Variants in POMT2 observed in about 807,000 individuals in gnomAD.
POMT2 encodes the protein protein O-mannosyltransferase 2, also known as protein O-mannosyl-transferase 2.
Under a neutral mutation model 100.0 loss-of-function variants are expected in POMT2, and 75 were observed. That is an observed-to-expected ratio of 0.75 (90% CI 0.62 to 0.91). POMT2 has a LOEUF of 0.91. Ranked by LOEUF, POMT2 falls within the 40% of genes least tolerant of loss-of-function variation. The pLI is 0.00. For missense variants in POMT2, 940 were observed against 955.1 expected, an observed-to-expected ratio of 0.98 and a Z score of 0.21; for synonymous variants, 378 against 374.1, an observed-to-expected ratio of 1.01 and a Z score of -0.12.
intron 4 of POMT2, among the ~76,000 whole-genome samples, chr14:77,303,211 C>T (rs567925521): frequency 4.2e-4 from 64 of 152,070 alleles, no homozygotes; most frequent in Non-Finnish European, 9.0e-4. Context: ...CTCCCTCAGA[C>T]CAGCCCTGAG....
chr14:77,290,986 C>A (rs951544094), intron 10 of POMT2, among the ~76,000 whole-genome samples: 5 of 152,180 alleles, frequency 3.3e-5, no homozygotes, highest in African/African-American at 1.2e-4. Flanking sequence ...GTGCCCTCAG[C>A]TGGGGCCACT....
At chr14:77,278,682 C>T (rs138009132) in intron 19 of POMT2, 47 bp downstream of exon 19, 49 of 1,611,700 alleles carry the variant, frequency 3.0e-5, no homozygotes, top group East Asian at 6.7e-5. Flanking sequence ...AACAGTGGCC[C>T]GCCCTCCACC....
rs894481514 is a variant in POMT2, at chr14:77,294,297, A to G, written c.1116+1867T>C. 2.0e-5 allele frequency among the ~76,000 whole-genome samples: 3 copies of G among 152,074 alleles called. No homozygotes were observed. The East Asian group carries it at 5.8e-4, about 29-fold the overall frequency. ...GTGGGAGATGATTGAGTCACGAGTG[A>G]ATGGGTCTCACAAGATCTGATGGTT... On this transcript the variant is annotated intron_variant, in intron 9 of 20. Coordinates refer to ENST00000261534, the MANE Select transcript of POMT2 (RefSeq NM_013382.7).
rs1388181545 is a variant in POMT2 at position 77,288,757 on chromosome 14, C to T, written c.1253+5G>A. 1 of 1,613,340 alleles carries T rather than the reference C, an allele frequency of 6.2e-7. No homozygotes were observed. Reference sequence around the variant, plus strand: ...TTTATTTATCCAAACTGCAAATTGACTTACTCTTTGTGTTCTAGTCGAATA... The same window carrying T: ...TTTATTTATCCAAACTGCAAATTGATTTACTCTTTGTGTTCTAGTCGAATA... On this transcript the variant is annotated splice_donor_5th_base_variant and intron_variant, in intron 11 of 20. Transcript: ENST00000261534.
At chr14:77,312,812 A>T (rs1420388351) in intron 1 of POMT2, among the ~76,000 whole-genome samples, 3 of 152,230 alleles carry the variant, frequency 2.0e-5, no homozygotes, top group African/African-American at 7.2e-5. Context: ...TGAGTCTATA[A>T]ACCATGAGTG....
Position 77,278,804 on chromosome 14 carries a change from G to C in POMT2, c.1957C>G (p.Pro653Ala), listed in dbSNP as rs762802915. 3 of 1,613,712 alleles carry C rather than the reference G, an allele frequency of 1.9e-6. No homozygotes were observed. The highest frequency in any genetic ancestry group is 2.5e-6 in the Non-Finnish European group (3 of 1,179,798). ...AGGACCCGGCCCATCAGGAAAAACG[G>C]GAAGTAATGGAGTGTCCAGCCGAGC... is the stretch of plus-strand genomic sequence containing the variant. Reference protein sequence around the residue: ...VLLGWTLHYFPFFLMGRVLYF... With the variant: ...VLLGWTLHYFAFFLMGRVLYF... The change falls in exon 19 of 21, where the codon CCG becomes GCG. Residue 653 changes from proline to alanine, a missense_variant. Physicochemically the swap from Pro to Ala is conservative, Grantham distance 27 (BLOSUM62 -1). Coordinates refer to ENST00000261534, the MANE Select transcript of POMT2 (RefSeq NM_013382.7).
chr14:77,291,544 T>C (rs925791659), intron 9 of POMT2, 164 bp from the exon 10 acceptor site: 5 of 854,508 alleles, frequency 5.9e-6, no homozygotes, highest in Non-Finnish European at 9.2e-6. Context: ...ATGGGGCTCA[T>C]ATGTAGCACT....
rs1431401328 is a variant in POMT2 at position 77,320,797 on chromosome 14, C to T, written c.-116G>A. 1.4e-6 allele frequency: 2 copies of T among 1,444,190 alleles called. No homozygotes were observed. The highest frequency in any genetic ancestry group is 1.8e-6 in the Non-Finnish European group (2 of 1,108,582). The allele number at this position is 1,444,190 out of a possible 1,614,324, so 89.5% of individuals were successfully genotyped here. A position where few individuals can be genotyped will look rare whatever the true frequency, so the allele number is the denominator to read the frequency against. ...GTACCCCGGGAAATGCAACGCCCTT[C>T]ACTGCAGCGGAGCGCGGGGCCCCGG... On this transcript the variant is annotated 5_prime_UTR_variant, in exon 1 of 21. Coordinates refer to ENST00000261534, the MANE Select transcript of POMT2 (RefSeq NM_013382.7).
chr14:77,280,375 C>T lies in POMT2; in HGVS notation c.1725+17G>A. 6.2e-7 allele frequency: 1 copy of T among 1,614,124 alleles called. No individual in the cohort carries two copies. Among genetic ancestry groups the T allele is most frequent in the East Asian group, 2.2e-5 (1 of 44,880 alleles). On this transcript the variant is annotated intron_variant, in intron 16 of 20. Coordinates refer to ENST00000261534, the MANE Select transcript of POMT2 (RefSeq NM_013382.7). ...TTGGCTCCATTTCCTGGGAGGAGCC[C>T]CAGCCTTGGATCCTACCTGATAGTT...
intron 1 of POMT2, among the ~76,000 whole-genome samples, chr14:77,316,430 T>G (rs898227330): frequency 6.6e-6 from 1 of 151,800 alleles, no homozygotes; most frequent in African/African-American, 2.4e-5. Flanking sequence ...TTTAATTAGC[T>G]GGACATGGTG....
intron 4 of POMT2, among the ~76,000 whole-genome samples, chr14:77,304,201 A>C (rs1376125738): frequency 6.6e-6 from 1 of 152,198 alleles, no homozygotes; most frequent in Non-Finnish European, 1.5e-5. Context: ...AACAGGATCA[A>C]CTTCTACGAT....
At chr14:77,281,467 C>G (rs1414410542) in intron 15 of POMT2, among the ~76,000 whole-genome samples, 1 of 152,060 alleles carries the variant, frequency 6.6e-6, no homozygotes, top group Non-Finnish European at 1.5e-5. Flanking sequence ...ACTCAGCCTC[C>G]CTAATCCAGC....
intron 20 of POMT2, 81 bp downstream of exon 20, chr14:77,278,313 G>T: frequency 2.6e-6 from 3 of 1,173,410 alleles, no homozygotes; most frequent in Non-Finnish European, 2.5e-6. Flanking sequence ...TAAAAGCACC[G>T]CAGGGGATTC....
In POMT2 at chr14:77,302,826, G is replaced by C. The variant is rs1013621171; in HGVS notation, c.656+9C>G. The C allele has an allele frequency of 5.0e-6, 8 of 1,604,714 alleles. No homozygotes were observed. The African/African-American group carries it at 1.1e-4, about 21-fold the overall frequency. On this transcript the variant is annotated intron_variant, in intron 5 of 20. Transcript: ENST00000261534. ...CCAACCCTCCCCTCCCGGGGATGGA[G>C]TTTCTGACCTGTCGGCGCAAGAGTT...
chr14:77,297,628 G>A (rs1034499189), intron 8 of POMT2, among the ~76,000 whole-genome samples: 5 of 152,184 alleles, frequency 3.3e-5, no homozygotes, highest in Non-Finnish European at 7.3e-5. Context: ...ACTGTGCAAA[G>A]TCCTGGAAAG....
At chr14:77,313,574 T>C (rs116934804) in intron 1 of POMT2, among the ~76,000 whole-genome samples, 1 of 152,338 alleles carries the variant, frequency 6.6e-6, no homozygotes, top group East Asian at 1.9e-4. Context: ...GTGAAAGAAT[T>C]CTGTAGATTA....
At chr14:77,319,894 C>T (rs1351722512) in intron 1 of POMT2, among the ~76,000 whole-genome samples, 2 of 152,146 alleles carry the variant, frequency 1.3e-5, no homozygotes, top group Non-Finnish European at 2.9e-5. Flanking sequence ...TTTCTGACAC[C>T]CAGTATCTGG....
chr14:77,277,347 G>A lies in POMT2; in HGVS notation c.*29C>T, dbSNP rs892492028. 3 of 1,567,678 alleles carry A rather than the reference G, an allele frequency of 1.9e-6. No individual in the cohort carries two copies. Among genetic ancestry groups the A allele is most frequent in the Non-Finnish European group, 2.6e-6 (3 of 1,138,094 alleles). ...CAGCTGGCTCTCCTGGGAAGTTCCTGGACCCAGGCTGGAATCTTTGCAGTG... is the reference window on the plus strand; with the variant it reads ...CAGCTGGCTCTCCTGGGAAGTTCCTAGACCCAGGCTGGAATCTTTGCAGTG... On this transcript the variant is annotated 3_prime_UTR_variant, in exon 21 of 21. Coordinates refer to ENST00000261534, the MANE Select transcript of POMT2 (RefSeq NM_013382.7).
At position 77,278,818 on chromosome 14, in the gene POMT2, G is replaced by A. The variant is rs774602296; in HGVS notation, c.1943C>T (p.Thr648Ile). ...CAGGAAAAACGGGAAGTAATGGAGTGTCCAGCCGAGCAGGACCTGGCCGCC... is the reference window on the plus strand; with the variant it reads ...CAGGAAAAACGGGAAGTAATGGAGTATCCAGCCGAGCAGGACCTGGCCGCC... ...RGGGQVLLGWTLHYFPFFLMG... is the reference protein window; with the variant it reads ...RGGGQVLLGWILHYFPFFLMG... The change falls in exon 19 of 21, where the codon ACA becomes ATA. Residue 648 changes from threonine to isoleucine, a missense_variant. By Grantham distance (89) the Thr-to-Ile change is moderately conservative. Coordinates refer to ENST00000261534, the MANE Select transcript of POMT2 (RefSeq NM_013382.7). 6.2e-6 allele frequency: 10 copies of A among 1,613,424 alleles called. No individual in the cohort carries two copies. Among genetic ancestry groups the A allele is most frequent in the South Asian group, 1.1e-5 (1 of 91,078 alleles).
Sources: allele counts gnomAD v4.1 joint callset (sites outside exome capture counted in the v4.1 genomes callset), GRCh38; gene constraint gnomAD v4.1.1; transcripts MANE v1.5; gene names NCBI Gene and HGNC (gene_info 2026-07-23, HGNC 2026-07-21).